GALNT13: variants seen among roughly 807,000 people sequenced by gnomAD.
GALNT13 encodes UDP-GalNAc:polypeptide N-acetylgalactosaminyltransferase 13.
A neutral mutation model predicts 64.2 loss-of-function variants in GALNT13; 28 were observed. The observed-to-expected ratio is 0.44, with a 90% CI of 0.32 to 0.60. The LOEUF is 0.60. Among genes scored for constraint, GALNT13 ranks in the 20% least tolerant of loss-of-function variants. The pLI, the probability that GALNT13 is intolerant of heterozygous loss-of-function variation, is 0.05. For missense variants in GALNT13, 577 were observed against 669.8 expected (o/e 0.86, Z 1.53); for synonymous variants, 214 against 224.6 (o/e 0.95, Z 0.42).
At chr2:153,894,514 G>A (rs1237803190) in intron 1 of GALNT13, among the ~76,000 whole-genome samples, 2 of 152,022 alleles carry the variant, frequency 1.3e-5, no homozygotes, top group Non-Finnish European at 2.9e-5. Context: ...TTTACAATAA[G>A]AAAATATGCA....
chr2:153,832,453 G>T, the GALNT13 span, among the ~76,000 whole-genome samples: 37 of 152,216 alleles, frequency 2.4e-4, no homozygotes, highest in Non-Finnish European at 4.6e-4. Flanking sequence ...AGGGAATTAG[G>T]TATGTAGTTG....
the GALNT13 span, among the ~76,000 whole-genome samples, chr2:153,274,772 C>G: frequency 6.6e-6 from 1 of 152,184 alleles, no homozygotes; most frequent in Non-Finnish European, 1.5e-5. Context: ...TAATAGATCA[C>G]CTACTTCCAG....
At chr2:153,326,215 C>T in the GALNT13 span, among the ~76,000 whole-genome samples, 42,306 of 151,718 alleles carry the variant, frequency 0.28, 7,586 homozygotes, top group Non-Finnish European at 0.41. Flanking sequence ...TGCATTGATG[C>T]GTTTACCATT....
the GALNT13 span, among the ~76,000 whole-genome samples, chr2:153,499,572 C>T: frequency 6.6e-6 from 1 of 152,186 alleles, no homozygotes; most frequent in Non-Finnish European, 1.5e-5. Context: ...GATGCCCAGG[C>T]TTTTCATGCC....
intron 3 of GALNT13, among the ~76,000 whole-genome samples, chr2:154,120,215 A>C (rs1681861455): frequency 6.6e-6 from 1 of 152,108 alleles, no homozygotes; most frequent in Non-Finnish European, 1.5e-5. Flanking sequence ...TTTAGCTGTG[A>C]TGTCAGGTGG....
the GALNT13 span, among the ~76,000 whole-genome samples, chr2:153,316,613 C>A: frequency 7.6e-6 from 1 of 131,710 alleles, no homozygotes; most frequent in East Asian, 2.1e-4. Context: ...TGCACTCCAG[C>A]CAGGCAGCAG....
At chr2:154,231,748 ATCGCAGTTTTTGCCATTACTTTC>A (rs1470218262) in intron 4 of GALNT13, among the ~76,000 whole-genome samples, 1 of 145,784 alleles carries the variant, frequency 6.9e-6, no homozygotes, top group Non-Finnish European at 1.5e-5. Context: ...TGCAAAAGTA[ATCGCAGTTTTTGCCATTACTTTC>A]AATGGCAAAA....
chr2:153,120,195 T>C, the GALNT13 span, among the ~76,000 whole-genome samples: 4 of 152,326 alleles, frequency 2.6e-5, no homozygotes, highest in East Asian at 7.7e-4. Context: ...CTTTCCAGTT[T>C]ACTGTTTCAA....
the GALNT13 span, among the ~76,000 whole-genome samples, chr2:153,767,640 A>T: frequency 6.6e-6 from 1 of 152,264 alleles, no homozygotes; most frequent in East Asian, 1.9e-4. Flanking sequence ...AGCAATAGCC[A>T]TTTTGAATGG....
intron 11 of GALNT13, among the ~76,000 whole-genome samples, chr2:154,427,762 G>T (rs1700534454): frequency 6.6e-6 from 1 of 152,096 alleles, no homozygotes. Context: ...TACTCCTCCT[G>T]ACCCTCCTCT....
At chr2:153,507,248 C>T in the GALNT13 span, among the ~76,000 whole-genome samples, 9 of 151,692 alleles carry the variant, frequency 5.9e-5, no homozygotes, top group Non-Finnish European at 1.3e-4. Context: ...TATTTCGTAT[C>T]CTGCATCATG....
chr2:153,605,897 C>G, the GALNT13 span, among the ~76,000 whole-genome samples: 1 of 152,050 alleles, frequency 6.6e-6, no homozygotes, highest in African/African-American at 2.4e-5. Flanking sequence ...TGAGATTTCA[C>G]GCAGTGTCTG....
the GALNT13 span, among the ~76,000 whole-genome samples, chr2:153,514,199 A>G: frequency 1.3e-5 from 2 of 151,636 alleles, no homozygotes; most frequent in African/African-American, 4.9e-5. Flanking sequence ...CTATTTGAAG[A>G]GTTTCTTGCC....
At chr2:154,362,576 A>C (rs1478426896) in intron 9 of GALNT13, among the ~76,000 whole-genome samples, 1 of 151,772 alleles carries the variant, frequency 6.6e-6, no homozygotes, top group Non-Finnish European at 1.5e-5. Flanking sequence ...GCCAACCCCC[A>C]CCCAACCCAA....
chr2:153,670,902 G>T, the GALNT13 span, among the ~76,000 whole-genome samples: 1 of 152,274 alleles, frequency 6.6e-6, no homozygotes, highest in East Asian at 1.9e-4. Context: ...AATTCGTGAA[G>T]CATACACAAG....
chr2:153,302,333 T>A, the GALNT13 span, among the ~76,000 whole-genome samples: 2 of 152,204 alleles, frequency 1.3e-5, no homozygotes, highest in African/African-American at 4.8e-5. Context: ...ACATACTTGT[T>A]AACTATTTGT....
the GALNT13 span, among the ~76,000 whole-genome samples, chr2:153,601,365 C>T: frequency 6.6e-6 from 1 of 151,460 alleles, no homozygotes; most frequent in Non-Finnish European, 1.5e-5. Flanking sequence ...ACATAATGAA[C>T]GTAAACTATA....
In GALNT13 at chr2:154,267,856, A is replaced by G. The variant is rs578131325; in HGVS notation, c.975+8718A>G. 1.5e-4 allele frequency among the ~76,000 whole-genome samples: 23 copies of G among 152,350 alleles called. No individual in the cohort carries two copies. The South Asian group carries it at 4.8e-3, about 32-fold the overall frequency. On this transcript the variant is annotated intron_variant, in intron 8 of 12. Coordinates refer to ENST00000392825, the MANE Select transcript of GALNT13 (RefSeq NM_052917.4). The stretch of plus-strand genomic sequence containing the variant: ...ACTTGAATAGACACTTCACTAAGAA[A>G]GGTCTACAAATGGCAAATAAGCAAT...
At chr2:153,466,595 G>C in the GALNT13 span, among the ~76,000 whole-genome samples, 1 of 151,780 alleles carries the variant, frequency 6.6e-6, no homozygotes. Flanking sequence ...TGCCTCCCTT[G>C]GTGCAGATTA....
Sources: gnomAD v4.1 joint callset for allele counts (sites outside exome capture counted in the v4.1 genomes callset) on GRCh38, gnomAD v4.1.1 for gene constraint, MANE v1.5 for transcripts, NCBI Gene and HGNC (gene_info 2026-07-23, HGNC 2026-07-21) for gene names.